Variants in PRTG observed in about 807,000 individuals in gnomAD.
PRTG encodes protogenin.
Under a neutral mutation model 122.5 loss-of-function variants are expected in PRTG, and 67 were observed. That is an observed-to-expected ratio of 0.55 (90% CI 0.45 to 0.67). The LOEUF (loss-of-function observed/expected upper bound fraction) is 0.67, where lower values mean the gene tolerates loss of function less well. Ranked by LOEUF, PRTG falls within the 30% of genes least tolerant of loss-of-function variation. The pLI is 0.00. For synonymous variants in PRTG, 554 were observed against 501.1 expected (o/e 1.11, Z -1.41); for missense variants, 1,435 against 1,415.4 (o/e 1.01, Z -0.22).
intron 2 of PRTG, among the ~76,000 whole-genome samples, chr15:55,733,389 A>C (rs2031302903): frequency 6.6e-6 from 1 of 151,990 alleles, no homozygotes; most frequent in African/African-American, 2.4e-5. Flanking sequence ...GCATGCCTGT[A>C]ATCCCAGCTA....
At chr15:55,626,898 A>G (rs1489838706) in intron 17 of PRTG, 110 bp downstream of exon 17, 1 of 926,040 alleles carries the variant, frequency 1.1e-6, no homozygotes, top group African/African-American at 1.7e-5. Context: ...CATTTATTTT[A>G]AAGTAGGAAA....
intron 2 of PRTG, among the ~76,000 whole-genome samples, chr15:55,721,454 T>C (rs2030819787): frequency 6.6e-6 from 1 of 152,246 alleles, no homozygotes; most frequent in Non-Finnish European, 1.5e-5. Flanking sequence ...TCCAATTCCA[T>C]GTTGGGGTGC....
At chr15:55,664,826 A>T (rs569876919) in intron 11 of PRTG, among the ~76,000 whole-genome samples, 2 of 151,956 alleles carry the variant, frequency 1.3e-5, no homozygotes, top group South Asian at 4.2e-4. Flanking sequence ...GATTCAGGCA[A>T]TTCTCCTGCC....
intron 2 of PRTG, among the ~76,000 whole-genome samples, chr15:55,731,342 G>A (rs576601458): frequency 1.2e-3 from 180 of 151,032 alleles, no homozygotes; most frequent in African/African-American, 4.0e-3. Flanking sequence ...AAAGCTGAGG[G>A]AGAAGAAATT....
chr15:55,630,350 T>A (rs1436844312), intron 15 of PRTG, among the ~76,000 whole-genome samples: 1 of 151,880 alleles, frequency 6.6e-6, no homozygotes, highest in East Asian at 1.9e-4. Context: ...TTTGAACTCC[T>A]GACCTCAAGT....
chr15:55,624,853 A>C (rs965622332), intron 17 of PRTG, among the ~76,000 whole-genome samples: 2 of 152,184 alleles, frequency 1.3e-5, no homozygotes, highest in Non-Finnish European at 2.9e-5. Flanking sequence ...TTTCCAATTA[A>C]TGATGGTAAA....
Position 55,734,032 on chromosome 15 carries a change from C to T in PRTG, c.397+6350G>A, listed in dbSNP as rs78891922. Among the ~76,000 whole-genome samples, 4 of 152,294 alleles carry T rather than the reference C, an allele frequency of 2.6e-5. No homozygotes were observed. In the East Asian group the frequency reaches 5.8e-4, roughly 22 times the overall value. ...CTCAATCAGGAGTTATTTTGCCCCA[C>T]AGTAGAACTTTCTTGGTTGTCACAA... On this transcript the variant is annotated intron_variant, in intron 2 of 19. Transcript: ENST00000389286.
intron 14 of PRTG, 35 bp from the exon 15 acceptor site, chr15:55,637,375 G>C (rs373024338): frequency 1.4e-6 from 2 of 1,477,714 alleles, no homozygotes; most frequent in East Asian, 2.4e-5. Flanking sequence ...TATTAATATA[G>C]TAAAATGGTT....
chr15:55,667,632 A>G (rs2141784512), intron 11 of PRTG, among the ~76,000 whole-genome samples: 1 of 152,370 alleles, frequency 6.6e-6, no homozygotes, highest in Middle Eastern at 3.4e-3. Flanking sequence ...TAGTGAAGAA[A>G]GTGAAATACG....
At chr15:55,635,381 C>T (rs532740885) in intron 15 of PRTG, among the ~76,000 whole-genome samples, 7 of 152,232 alleles carry the variant, frequency 4.6e-5, no homozygotes, top group South Asian at 4.1e-4. Flanking sequence ...TGAGCCACTG[C>T]GCCCAGCCTC....
At chr15:55,742,406 G>T (rs2141901558) in intron 1 of PRTG, 1 of 159,330 alleles carries the variant, frequency 6.3e-6, no homozygotes, top group Middle Eastern at 3.1e-3. Context: ...GCACGGCGAG[G>T]CTGCCACTAA....
intron 2 of PRTG, among the ~76,000 whole-genome samples, chr15:55,721,303 G>A (rs1447821427): frequency 6.6e-6 from 1 of 152,116 alleles, no homozygotes; most frequent in Non-Finnish European, 1.5e-5. Context: ...TCTCCTCACA[G>A]ACACTAATGG....
At chr15:55,694,664 G>A (rs998926377) in intron 2 of PRTG, among the ~76,000 whole-genome samples, 3 of 152,076 alleles carry the variant, frequency 2.0e-5, no homozygotes, top group Admixed American at 2.0e-4. Context: ...TTTTAAGTGA[G>A]GCATTAAACT....
At chr15:55,701,914 T>G (rs2029907968) in intron 2 of PRTG, among the ~76,000 whole-genome samples, 1 of 152,166 alleles carries the variant, frequency 6.6e-6, no homozygotes, top group Admixed American at 6.5e-5. Context: ...ATATATGGGC[T>G]GCTAGGAGTC....
At position 55,743,097 on chromosome 15, in the gene PRTG, C is replaced by T; in HGVS notation, c.-166G>A. 4 of 1,279,556 alleles carry T rather than the reference C, an allele frequency of 3.1e-6. No homozygotes were observed. Among genetic ancestry groups the T allele is most frequent in the African/African-American group, 1.6e-5 (1 of 64,144 alleles). 79.3% of individuals were successfully genotyped at this position (1,279,556 alleles called of 1,614,324 possible). ...CGTCTCTGCGGCGGCGAGGCTGGTG[C>T]TCGGACGGCCGCTCGCGAGAAGCAA... On this transcript the variant is annotated 5_prime_UTR_variant, in exon 1 of 20. Coordinates refer to ENST00000389286, the MANE Select transcript of PRTG (RefSeq NM_173814.6).
intron 11 of PRTG, chr15:55,655,236 T>C (rs540164453): frequency 5.9e-5 from 9 of 152,332 alleles, no homozygotes; most frequent in Non-Finnish European, 8.8e-5. Context: ...ATATTATTAA[T>C]GTGTTAACTG....
intron 2 of PRTG, chr15:55,738,578 A>G (rs1325127430): frequency 2.4e-5 from 17 of 694,138 alleles, no homozygotes; most frequent in Non-Finnish European, 3.7e-5. Context: ...GAAAATAACA[A>G]CTCTATAGAA....
chr15:55,721,112 T>A (rs529897068), intron 2 of PRTG, among the ~76,000 whole-genome samples: 2 of 152,344 alleles, frequency 1.3e-5, no homozygotes, highest in East Asian at 3.9e-4. Context: ...GGCATCATCC[T>A]GAACTTTTCC....
At chr15:55,710,714 T>C (rs2030347088) in intron 2 of PRTG, among the ~76,000 whole-genome samples, 1 of 152,208 alleles carries the variant, frequency 6.6e-6, no homozygotes, top group South Asian at 2.1e-4. Context: ...GTTATGTTTC[T>C]TTTATTGCAT....
Sources: gnomAD v4.1 joint callset for allele counts (sites outside exome capture counted in the v4.1 genomes callset) on GRCh38, gnomAD v4.1.1 for gene constraint, MANE v1.5 for transcripts, NCBI Gene and HGNC (gene_info 2026-07-23, HGNC 2026-07-21) for gene names.